KANSL1: variants seen among roughly 807,000 people sequenced by gnomAD.
KANSL1 encodes MLL1/MLL complex subunit KANSL1.
KANSL1 carries 22 observed loss-of-function variants against 103.6 expected under a neutral mutation model. The ratio of observed to expected loss-of-function variants is 0.21; its 90% CI spans 0.15 to 0.30. KANSL1 has a LOEUF of 0.30. Among genes scored for constraint, KANSL1 ranks in the 10% least tolerant of loss-of-function variants. KANSL1 has a pLI of 1.00. For synonymous variants in KANSL1, 600 were observed against 527.6 expected, an observed-to-expected ratio of 1.14 and a Z score of -1.88; for missense variants, 1,337 against 1,399.8, an observed-to-expected ratio of 0.96 and a Z score of 0.72.
In KANSL1 at chr17:46,050,698, G is replaced by A. The variant is rs141298741; in HGVS notation, c.1855C>T (p.Arg619Trp). 5.0e-5 allele frequency: 81 copies of A among 1,605,600 alleles called. No homozygotes were observed. Among genetic ancestry groups the A allele is most frequent in the Middle Eastern group, 1.7e-4 (1 of 6,058 alleles). ...CAGCCAGGGCGGATTGTGCTGTTCC[G>A]GTGAACCTGTGAAAAAAGCCAAACA... is the stretch of plus-strand genomic sequence containing the variant. ...SIVPLSKKVH[R>W]NSTIRPGCDV... is the part of the protein sequence containing the mutation. Residue 619 changes from arginine (R) to tryptophan (W), a missense_variant, in exon 7 of 15, where the codon CGG (arginine) becomes TGG (tryptophan). Arg to Trp is a moderately radical substitution (Grantham distance 101). Transcript: ENST00000432791.
chr17:46,159,573 G>A (rs2045624027), intron 2 of KANSL1, among the ~76,000 whole-genome samples: 1 of 152,186 alleles, frequency 6.6e-6, no homozygotes, highest in Non-Finnish European at 1.5e-5. Flanking sequence ...ATCCTTTCAA[G>A]TTCTATGGTA....
intron 1 of KANSL1, among the ~76,000 whole-genome samples, chr17:46,184,724 T>C (rs1258131351): frequency 6.6e-6 from 1 of 152,156 alleles, no homozygotes; most frequent in East Asian, 1.9e-4. Flanking sequence ...CAGGTTGAGG[T>C]GGGGTCCCTC....
At position 46,172,022 on chromosome 17, in the gene KANSL1, T is replaced by G. The variant is rs142587760; in HGVS notation, c.122A>C (p.Asn41Thr). The G allele has an allele frequency of 6.2e-7, 1 of 1,614,272 alleles. No homozygotes were observed. The highest frequency in any genetic ancestry group is 1.7e-5 in the Admixed American group (1 of 60,032). Residue 41 changes from asparagine to threonine, a missense_variant, in exon 2 of 15, where the codon AAC becomes ACC. By Grantham distance (65) the Asn-to-Thr change is moderately conservative. This residue lies in a region of KANSL1 where 557 missense variants were observed against 476.4 expected (regional missense o/e 1.17). Coordinates refer to ENST00000432791, the MANE Select transcript of KANSL1 (RefSeq NM_015443.4). ...PGSAENNGNANILIAANGTKR... is the reference protein window; with the variant it reads ...PGSAENNGNATILIAANGTKR... ...GGTTCCGTTGGCAGCAATAAGGATG[T>G]TGGCGTTGCCGTTATTTTCGGCACT...
intron 1 of KANSL1, among the ~76,000 whole-genome samples, chr17:46,218,598 C>G (rs1179717692): frequency 2.2e-4 from 33 of 150,998 alleles, no homozygotes; most frequent in Non-Finnish European, 4.0e-4. Flanking sequence ...GCCTGGCCAA[C>G]ATAGTGAAAC....
chr17:46,098,726 G>A (rs55900347), intron 2 of KANSL1, among the ~76,000 whole-genome samples: 21,686 of 152,052 alleles, frequency 0.14, 2,122 homozygotes, highest in Non-Finnish European at 0.22. Flanking sequence ...TATCTGTGAT[G>A]TGATGGTTTA....
At chr17:46,089,292 C>T (rs1380498323) in intron 3 of KANSL1, among the ~76,000 whole-genome samples, 1 of 152,032 alleles carries the variant, frequency 6.6e-6, no homozygotes, top group Non-Finnish European at 1.5e-5. Flanking sequence ...ATATTATTCC[C>T]AAAAGGGACT....
At position 46,099,565 on chromosome 17, in the gene KANSL1, C is replaced by T. The variant is rs2042225573; in HGVS notation, c.1290-4864G>A. On this transcript the variant is annotated intron_variant, in intron 2 of 14. Transcript: ENST00000432791. ...AATAATACTTTAAATACAATGAGGA[C>T]TTGGTTTCTAATATAGTCATTATCA... Among the ~76,000 whole-genome samples the T allele has an allele frequency of 2.6e-5, 4 of 152,160 alleles. No individual in the cohort carries two copies. The South Asian group carries it at 6.2e-4, about 24-fold the overall frequency.
intron 6 of KANSL1, among the ~76,000 whole-genome samples, chr17:46,054,301 G>A (rs1223335297): frequency 1.3e-5 from 2 of 152,106 alleles, no homozygotes; most frequent in Non-Finnish European, 2.9e-5. Flanking sequence ...TGATCCACCC[G>A]TATCAGCTTC....
chr17:46,155,550 G>C (rs1312320980), intron 2 of KANSL1, among the ~76,000 whole-genome samples: 1 of 152,166 alleles, frequency 6.6e-6, no homozygotes, highest in Non-Finnish European at 1.5e-5. Flanking sequence ...GTGAGGGAAG[G>C]TCCTACTGGC....
intron 2 of KANSL1, among the ~76,000 whole-genome samples, chr17:46,124,909 GAC>G (rs1421802718): frequency 2.6e-5 from 4 of 151,214 alleles, no homozygotes; most frequent in Non-Finnish European, 4.4e-5. Flanking sequence ...AGAGGTTCAA[GAC>G]ACAGGTCGAA....
At chr17:46,074,706 T>C (rs2078694859) in intron 4 of KANSL1, among the ~76,000 whole-genome samples, 1 of 151,606 alleles carries the variant, frequency 6.6e-6, no homozygotes, top group African/African-American at 2.4e-5. Context: ...AGGTGAAGGC[T>C]GGAGTGGTGA....
At chr17:46,218,607 A>G (rs2048413961) in intron 1 of KANSL1, among the ~76,000 whole-genome samples, 1 of 152,028 alleles carries the variant, frequency 6.6e-6, no homozygotes, top group African/African-American at 2.4e-5. Context: ...ACATAGTGAA[A>G]CCCCGTCTCT....
At chr17:46,097,670 T>C (rs1259637143) in intron 2 of KANSL1, among the ~76,000 whole-genome samples, 2 of 152,238 alleles carry the variant, frequency 1.3e-5, no homozygotes, top group African/African-American at 4.8e-5. Flanking sequence ...TTTCATAATC[T>C]ACCACAAAAC....
chr17:46,114,701 T>C (rs1598655624), intron 2 of KANSL1, among the ~76,000 whole-genome samples: 1 of 152,360 alleles, frequency 6.6e-6, no homozygotes, highest in Admixed American at 6.5e-5. Context: ...GGCTAATTCG[T>C]AAACTAGATT....
chr17:46,122,084 T>C (rs1005338394), intron 2 of KANSL1, among the ~76,000 whole-genome samples: 12 of 152,300 alleles, frequency 7.9e-5, no homozygotes, highest in Admixed American at 3.9e-4. Flanking sequence ...ATTTGAACTA[T>C]AGTAAGTTGG....
rs376593184 is a variant in KANSL1 at position 46,151,766 on chromosome 17, C to T, written c.1289+19089G>A. 1.7e-3 allele frequency among the ~76,000 whole-genome samples: 265 copies of T among 152,352 alleles called. 1 individual carries two copies. Among genetic ancestry groups the T allele is most frequent in the Middle Eastern group, 0.01 (3 of 294 alleles). Reference sequence around the variant, plus strand: ...TTAAACCAGCTGCTTACAATTAAATCTAGCATGTTGAGGCTACTCCTAGAA... The same window carrying T: ...TTAAACCAGCTGCTTACAATTAAATTTAGCATGTTGAGGCTACTCCTAGAA... On this transcript the variant is annotated intron_variant, in intron 2 of 14. Transcript: ENST00000432791.
chr17:46,037,858 A>C (rs2077195180), intron 10 of KANSL1: 1 of 152,240 alleles, frequency 6.6e-6, no homozygotes, highest in Non-Finnish European at 1.5e-5. Context: ...TGAGGAATTA[A>C]AATATTAGAA....
At chr17:46,113,446 G>A (rs2147123844) in intron 2 of KANSL1, among the ~76,000 whole-genome samples, 1 of 152,348 alleles carries the variant, frequency 6.6e-6, no homozygotes, top group African/African-American at 2.4e-5. Flanking sequence ...AAAACTAAGA[G>A]TATGCAGCAT....
At chr17:46,134,543 C>T (rs2044025303) in intron 2 of KANSL1, among the ~76,000 whole-genome samples, 1 of 151,752 alleles carries the variant, frequency 6.6e-6, no homozygotes, top group Non-Finnish European at 1.5e-5. Flanking sequence ...ATGAATGTTA[C>T]TTAAAAGACG....
Sources: gnomAD v4.1 joint callset for allele counts (sites outside exome capture counted in the v4.1 genomes callset) on GRCh38, gnomAD v4.1.1 for gene constraint, gnomAD v4.1.1 regional missense constraint, MANE v1.5 for transcripts, NCBI Gene and HGNC (gene_info 2026-07-23, HGNC 2026-07-21) for gene names.